PPP2R3C: variants seen among roughly 807,000 people sequenced by gnomAD.
The protein encoded by PPP2R3C is protein phosphatase 2 regulatory subunit B''gamma, also known as serine/threonine-protein phosphatase 2A regulatory subunit B'' subunit gamma.
In PPP2R3C, 47 loss-of-function variants were observed where a neutral mutation model predicts 63.7. That is an observed-to-expected ratio of 0.74 (90% CI 0.58 to 0.94). The LOEUF (loss-of-function observed/expected upper bound fraction) is 0.94, where lower values mean the gene tolerates loss of function less well. Among genes scored for constraint, PPP2R3C ranks in the 40% least tolerant of loss-of-function variants. The probability of loss-of-function intolerance (pLI) is 0.00; values close to 1 mark genes in which losing one functional copy is unlikely to be tolerated. For synonymous variants in PPP2R3C, 180 were observed against 177.4 expected (o/e 1.01, Z -0.12); for missense variants, 421 against 518.4 (o/e 0.81, Z 1.82).
intron 7 of PPP2R3C, among the ~76,000 whole-genome samples, chr14:35,097,719 G>C (rs748083092): frequency 1.3e-5 from 2 of 152,076 alleles, no homozygotes; most frequent in Non-Finnish European, 2.9e-5. Context: ...CCTGACCTCA[G>C]ATGATTCACC....
chr14:35,107,491 C>G, intron 5 of PPP2R3C, 117 bp from the exon 6 acceptor site: 1 of 787,536 alleles, frequency 1.3e-6, no homozygotes, highest in Non-Finnish European at 2.1e-6. Flanking sequence ...AACATTTCTT[C>G]TCACCACAAA....
Position 35,121,985 on chromosome 14 carries a change from G to C in PPP2R3C, c.-26C>G. ...GGCCGACTTCCGCGCAGCAGCTTCT[G>C]CATTTGCTGTTTCCTACCTGCTCCA... On this transcript the variant is annotated 5_prime_UTR_variant, in exon 1 of 13. Coordinates refer to ENST00000261475, the MANE Select transcript of PPP2R3C (RefSeq NM_017917.4). 2 of 1,614,026 alleles carry C rather than the reference G, an allele frequency of 1.2e-6. No individual in the cohort carries two copies. The highest frequency in any genetic ancestry group is 1.7e-6 in the Non-Finnish European group (2 of 1,179,938).
chr14:35,117,412 C>CTT (rs2046740541), intron 1 of PPP2R3C, among the ~76,000 whole-genome samples: 1 of 152,172 alleles, frequency 6.6e-6, no homozygotes, highest in Non-Finnish European at 1.5e-5. Flanking sequence ...ACTCCAAAGA[C>CTT]TTTCACCTCT....
rs946932549 is a variant in PPP2R3C at position 35,102,030 on chromosome 14, T to A, written c.574-2646A>T. The A allele has an allele frequency of 1.2e-4, 6 of 49,858 alleles. No homozygotes were observed. The South Asian group carries it at 4.7e-3, about 39-fold the overall frequency. The allele number at this position is 49,858 out of a possible 1,614,324, so 3.1% of individuals were successfully genotyped here. On this transcript the variant is annotated intron_variant, in intron 6 of 12. Transcript: ENST00000261475. ...AAGCCTTCCATGGTTTCTCTCTCTC[T>A]TTTTTTTTTTTTTTTTGAGACGGAG...
chr14:35,108,016 G>C, intron 5 of PPP2R3C, 123 bp downstream of exon 5: 1 of 1,362,286 alleles, frequency 7.3e-7, no homozygotes, highest in South Asian at 1.7e-5. Context: ...TTGGTCAAAA[G>C]ATAAGAAATT....
At chr14:35,109,691 A>T in intron 4 of PPP2R3C, 128 bp downstream of exon 4, 1 of 686,842 alleles carries the variant, frequency 1.5e-6, no homozygotes, top group Non-Finnish European at 2.3e-6. Flanking sequence ...CCCCAGCTCA[A>T]GCAATCCTCT....
upstream of PPP2R3C, chr14:35,122,100 G>T: frequency 2.5e-6 from 2 of 786,642 alleles, no homozygotes; most frequent in Non-Finnish European, 2.1e-6. Context: ...CGGAAGTCTT[G>T]GCTAAAGAGG....
chr14:35,116,560 T>G, intron 2 of PPP2R3C, 50 bp downstream of exon 2: 2 of 1,439,546 alleles, frequency 1.4e-6, no homozygotes, highest in Non-Finnish European at 1.8e-6. Flanking sequence ...TTGCCAAAAA[T>G]TATATTTCAT....
chr14:35,121,731 T>C, intron 1 of PPP2R3C, 171 bp downstream of exon 1: 1 of 674,990 alleles, frequency 1.5e-6, no homozygotes, highest in Non-Finnish European at 2.5e-6. Context: ...CAGGAAAGTT[T>C]GGGTCAAACC....
intron 2 of PPP2R3C, 65 bp downstream of exon 2, chr14:35,116,545 C>G: frequency 7.3e-7 from 1 of 1,369,758 alleles, no homozygotes; most frequent in East Asian, 2.7e-5. Context: ...ATGAGCCACC[C>G]TGCCTTGCCA....
intron 5 of PPP2R3C, 98 bp from the exon 6 acceptor site, chr14:35,107,472 A>T: frequency 1.1e-6 from 1 of 922,124 alleles, no homozygotes. Flanking sequence ...CTAATCTAGT[A>T]ACTCTAAAAA....
intron 4 of PPP2R3C, among the ~76,000 whole-genome samples, chr14:35,108,785 A>G (rs532085783): frequency 6.6e-6 from 1 of 151,726 alleles, no homozygotes; most frequent in African/African-American, 2.4e-5. Flanking sequence ...AAAGATAAAT[A>G]TATATATATA....
rs2046716823 is a variant in PPP2R3C, at chr14:35,116,594, AT to A, written c.186+15del. ...ATTTTTAAACTCTGCAGGACATTTG[AT>A]TAGACACTACTTACCCTATAATAAA... On this transcript the variant is annotated intron_variant, in intron 2 of 12. Coordinates refer to ENST00000261475, the MANE Select transcript of PPP2R3C (RefSeq NM_017917.4). 1 of 1,552,546 alleles carries A rather than the reference AT, an allele frequency of 6.4e-7. No homozygotes were observed. The highest frequency in any genetic ancestry group is 8.7e-7 in the Non-Finnish European group (1 of 1,151,776).
intron 12 of PPP2R3C, chr14:35,087,716 T>C (rs1324468186): frequency 2.2e-6 from 1 of 462,978 alleles, no homozygotes; most frequent in African/African-American, 2.0e-5. Context: ...CTGTCTTAAT[T>C]AAAATGAATG....
At chr14:35,095,578 G>A (rs1008138859) in intron 9 of PPP2R3C, among the ~76,000 whole-genome samples, 13 of 151,796 alleles carry the variant, frequency 8.6e-5, no homozygotes, top group African/African-American at 2.4e-4. Flanking sequence ...GGTGGCTCAC[G>A]CCGGTAATCC....
intron 6 of PPP2R3C, among the ~76,000 whole-genome samples, chr14:35,105,012 G>A (rs1001412897): frequency 8.6e-5 from 13 of 151,704 alleles, no homozygotes; most frequent in South Asian, 2.1e-4. Flanking sequence ...GGGATTACAG[G>A]CGTGAGCTAC....
intron 6 of PPP2R3C, among the ~76,000 whole-genome samples, chr14:35,104,467 C>A (rs2046287246): frequency 6.6e-6 from 1 of 152,126 alleles, no homozygotes; most frequent in Non-Finnish European, 1.5e-5. Flanking sequence ...AGTTTATATT[C>A]ATGCCCAACT....
At chr14:35,098,073 G>A (rs1049917954) in intron 7 of PPP2R3C, among the ~76,000 whole-genome samples, 1 of 151,980 alleles carries the variant, frequency 6.6e-6, no homozygotes, top group Non-Finnish European at 1.5e-5. Context: ...GTCAAAACGT[G>A]ATATTATTTT....
At chr14:35,094,651 C>T (rs2045937498) in intron 10 of PPP2R3C, among the ~76,000 whole-genome samples, 1 of 114,658 alleles carries the variant, frequency 8.7e-6, no homozygotes, top group Non-Finnish European at 2.0e-5. Flanking sequence ...ATTTTAAAGA[C>T]ACTGTTACAC....
Sources: allele counts gnomAD v4.1 joint callset (sites outside exome capture counted in the v4.1 genomes callset), GRCh38; gene constraint gnomAD v4.1.1; transcripts MANE v1.5; gene names NCBI Gene and HGNC (gene_info 2026-07-23, HGNC 2026-07-21).